GALNT13: variants seen among roughly 807,000 people sequenced by gnomAD.
GALNT13 encodes the protein UDP-GalNAc:polypeptide N-acetylgalactosaminyltransferase 13.
Under a neutral mutation model 64.2 loss-of-function variants are expected in GALNT13, and 28 were observed. That is an observed-to-expected ratio of 0.44 (90% CI 0.32 to 0.60). GALNT13 has a LOEUF of 0.60. Among genes scored for constraint, GALNT13 ranks in the 20% least tolerant of loss-of-function variants. The pLI is 0.05. For missense variants in GALNT13, 577 were observed against 669.8 expected (o/e 0.86, Z 1.53); for synonymous variants, 214 against 224.6 (o/e 0.95, Z 0.42).
chr2:154,035,520 G>A (rs961444187), intron 3 of GALNT13, among the ~76,000 whole-genome samples: 6 of 151,968 alleles, frequency 3.9e-5, no homozygotes, highest in African/African-American at 7.2e-5. Flanking sequence ...AATAAATAAT[G>A]TATGATTAAT....
chr2:153,646,040 T>G, the GALNT13 span, among the ~76,000 whole-genome samples: 3 of 152,232 alleles, frequency 2.0e-5, no homozygotes, highest in Middle Eastern at 0.01. Context: ...TATCATTATT[T>G]CTATTTTGGT....
At chr2:154,362,723 TA>T (rs2097468315) in intron 9 of GALNT13, among the ~76,000 whole-genome samples, 1 of 152,202 alleles carries the variant, frequency 6.6e-6, no homozygotes, top group Non-Finnish European at 1.5e-5. Flanking sequence ...AAGTTTTGCA[TA>T]ACTGCTATAC....
At chr2:153,158,438 TAATA>T in the GALNT13 span, among the ~76,000 whole-genome samples, 2 of 152,198 alleles carry the variant, frequency 1.3e-5, no homozygotes, top group Admixed American at 6.5e-5. Context: ...TTACAAAAAA[TAATA>T]AATCAATTTA....
the GALNT13 span, among the ~76,000 whole-genome samples, chr2:153,756,928 A>C: frequency 2.0e-5 from 3 of 152,088 alleles, no homozygotes; most frequent in Non-Finnish European, 4.4e-5. Flanking sequence ...TTCACCCACT[A>C]AACACTTGTG....
intron 3 of GALNT13, among the ~76,000 whole-genome samples, chr2:153,947,288 A>T (rs888984623): frequency 2.6e-5 from 4 of 152,010 alleles, no homozygotes; most frequent in African/African-American, 4.8e-5. Flanking sequence ...AAAGTCAAAT[A>T]TATAGTAAAC....
chr2:153,797,050 T>C, the GALNT13 span, among the ~76,000 whole-genome samples: 1 of 152,228 alleles, frequency 6.6e-6, no homozygotes, highest in Non-Finnish European at 1.5e-5. Flanking sequence ...TTATATGATC[T>C]GTATTATCAA....
chr2:153,683,578 A>C, the GALNT13 span, among the ~76,000 whole-genome samples: 6 of 151,618 alleles, frequency 4.0e-5, no homozygotes, highest in African/African-American at 1.5e-4. Context: ...ATGATTCTTA[A>C]GTGTTAGATA....
At chr2:153,405,019 A>G in the GALNT13 span, among the ~76,000 whole-genome samples, 15,294 of 152,208 alleles carry the variant, frequency 0.1, 896 homozygotes, top group South Asian at 0.22. Flanking sequence ...GTGCTTACAT[A>G]CTACTGCTAG....
At position 154,201,584 on chromosome 2, in the gene GALNT13, A is replaced by C. The variant is rs1020579492; in HGVS notation, c.312-40446A>C. The stretch of plus-strand genomic sequence containing the variant: ...ACAGGTTTAGACAATTTTGCAGTTT[A>C]AACATACAGAGGCTACCAAAACCAC... On this transcript the variant is annotated intron_variant, in intron 4 of 12. Transcript: ENST00000392825. 5.9e-5 allele frequency among the ~76,000 whole-genome samples: 9 copies of C among 152,134 alleles called. 1 individual carries two copies.
intron 9 of GALNT13, among the ~76,000 whole-genome samples, chr2:154,342,475 C>CTTTTG (rs1222627097): frequency 6.6e-6 from 1 of 151,876 alleles, no homozygotes; most frequent in Non-Finnish European, 1.5e-5. Context: ...CTGCTGTCTG[C>CTTTTG]TTTTGTTTTG....
chr2:153,300,443 G>C, the GALNT13 span, among the ~76,000 whole-genome samples: 1 of 152,192 alleles, frequency 6.6e-6, no homozygotes, highest in Admixed American at 6.5e-5. Flanking sequence ...TGACAAGACT[G>C]TCTGAAGCAT....
the GALNT13 span, among the ~76,000 whole-genome samples, chr2:153,632,447 T>G: frequency 6.6e-6 from 1 of 152,116 alleles, no homozygotes; most frequent in Admixed American, 6.6e-5. Flanking sequence ...ATGTCATGTA[T>G]TCATCCATCA....
the GALNT13 span, among the ~76,000 whole-genome samples, chr2:153,439,093 C>A: frequency 6.6e-6 from 1 of 152,078 alleles, no homozygotes; most frequent in Non-Finnish European, 1.5e-5. Flanking sequence ...CACTCCAGAC[C>A]CTGTTTGCCT....
intron 3 of GALNT13, among the ~76,000 whole-genome samples, chr2:153,975,122 T>A (rs1002911562): frequency 1.3e-5 from 2 of 152,132 alleles, no homozygotes; most frequent in African/African-American, 4.8e-5. Flanking sequence ...GCTTTTATTC[T>A]TAATTCAAGG....
chr2:154,026,639 A>G (rs937933585), intron 3 of GALNT13, among the ~76,000 whole-genome samples: 6 of 152,152 alleles, frequency 3.9e-5, no homozygotes, highest in African/African-American at 1.4e-4. Flanking sequence ...GCAAGTTATC[A>G]TTCTACCTTT....
chr2:154,133,920 C>G (rs933252465), intron 3 of GALNT13, among the ~76,000 whole-genome samples: 2 of 152,072 alleles, frequency 1.3e-5, no homozygotes, highest in Non-Finnish European at 2.9e-5. Flanking sequence ...TTCTCATGAG[C>G]AAATGGCTCT....
At chr2:153,562,033 T>TC in the GALNT13 span, among the ~76,000 whole-genome samples, 1 of 110,366 alleles carries the variant, frequency 9.1e-6, no homozygotes, top group Non-Finnish European at 1.8e-5. Context: ...CCCTCTCCTC[T>TC]CTCTCTCTTT....
chr2:154,276,409 G>A (rs544012103), intron 8 of GALNT13, among the ~76,000 whole-genome samples: 6 of 151,930 alleles, frequency 3.9e-5, no homozygotes, highest in Non-Finnish European at 7.4e-5. Flanking sequence ...GAGTAGAAAC[G>A]GAAAATGCAA....
intron 9 of GALNT13, among the ~76,000 whole-genome samples, chr2:154,371,761 T>G (rs376383058): frequency 9.7e-4 from 1 of 1,032 alleles, no homozygotes; most frequent in Admixed American, 0.025. Flanking sequence ...GGCCTTAAGC[T>G]TTTTTTGTGT....
Sources: gnomAD v4.1 joint callset for allele counts (sites outside exome capture counted in the v4.1 genomes callset) on GRCh38, gnomAD v4.1.1 for gene constraint, MANE v1.5 for transcripts, NCBI Gene and HGNC (gene_info 2026-07-23, HGNC 2026-07-21) for gene names.